The following CAPRIN2 variants were observed in gnomAD, a reference collection of about 807,000 sequenced individuals.
CAPRIN2 encodes caprin-2.
CAPRIN2 carries 66 observed loss-of-function variants against 130.4 expected under a neutral mutation model. The ratio of observed to expected loss-of-function variants is 0.51; its 90% confidence interval spans 0.42 to 0.62. CAPRIN2 has a LOEUF of 0.62. CAPRIN2 is among the 20% of genes least tolerant of loss of function. The pLI, the probability that CAPRIN2 is intolerant of heterozygous loss-of-function variation, is 0.00. For missense variants in CAPRIN2, 1,185 were observed against 1,246.6 expected (o/e 0.95, Z 0.74); for synonymous variants, 471 against 444.1 (o/e 1.06, Z -0.76).
chr12:30,734,901 T>G, intron 4 of CAPRIN2, 67 bp downstream of exon 5: 2 of 912,580 alleles, frequency 2.2e-6, no homozygotes, highest in Non-Finnish European at 3.6e-6. Context: ...CTCTCTCACA[T>G]ACACACACCC....
intron 5 of CAPRIN2, 113 bp from the exon 7 acceptor site, chr12:30,731,623 A>G (rs1944059908): frequency 1.2e-6 from 1 of 827,468 alleles, no homozygotes; most frequent in Non-Finnish European, 1.9e-6. Flanking sequence ...GTTTACATTG[A>G]TGTACATAGT....
Position 30,753,711 on chromosome 12 carries a change from TC to T in CAPRIN2, c.52del (p.Glu18LysfsTer4). 1 of 1,613,940 alleles carries T rather than the reference TC, an allele frequency of 6.2e-7. No individual in the cohort carries two copies. Among genetic ancestry groups the T allele is most frequent in the Non-Finnish European group, 8.5e-7 (1 of 1,179,934 alleles). The stretch of plus-strand genomic sequence containing the variant: ...TCTAGACCACTCCCTTAAACTCTTT[TC>T]CACAGAAGTGAGCTCGAAACCCAAT... On this transcript the variant is annotated frameshift_variant, in exon 1 of 17. Coordinates refer to ENST00000298892, the Ensembl canonical transcript of CAPRIN2. LOFTEE classifies it high-confidence loss of function.
chr12:30,711,911 G>A, intron 15 of CAPRIN2: 1 of 527,352 alleles, frequency 1.9e-6, no homozygotes, highest in Non-Finnish European at 3.6e-6. Context: ...AAGATACAAT[G>A]CTAGGTAATG....
chr12:30,747,399 C>T (rs141300525), intron 2 of CAPRIN2, among the ~76,000 whole-genome samples: 2 of 152,180 alleles, frequency 1.3e-5, no homozygotes, highest in Non-Finnish European at 2.9e-5. Flanking sequence ...TACATTTGGC[C>T]GGGCGTGATG....
intron 2 of CAPRIN2, among the ~76,000 whole-genome samples, chr12:30,746,683 G>C (rs1216482036): frequency 6.6e-6 from 1 of 152,166 alleles, no homozygotes; most frequent in South Asian, 2.1e-4. Flanking sequence ...TCTAGAACAA[G>C]ACCCTAACTC....
At chr12:30,752,064 A>T (rs918045932) in intron 1 of CAPRIN2, among the ~76,000 whole-genome samples, 10 of 151,054 alleles carry the variant, frequency 6.6e-5, no homozygotes, top group Admixed American at 6.6e-4. Flanking sequence ...GATTACAGGC[A>T]CCCCCCACCA....
chr12:30,741,040 A>C, exon 3 of CAPRIN2: 6 of 1,609,900 alleles, frequency 3.7e-6, no homozygotes, highest in Non-Finnish European at 5.1e-6. Flanking sequence ...AACCCAGAAA[A>C]GGTTTTTTGA....
At chr12:30,746,538 G>A (rs1433562184) in intron 2 of CAPRIN2, among the ~76,000 whole-genome samples, 2 of 152,226 alleles carry the variant, frequency 1.3e-5, no homozygotes, top group East Asian at 3.8e-4. Context: ...TCTGATGAGA[G>A]ATGGTGATAG....
At chr12:30,735,987 A>G (rs576848884) in intron 3 of CAPRIN2, among the ~76,000 whole-genome samples, 6 of 152,066 alleles carry the variant, frequency 3.9e-5, no homozygotes, top group Non-Finnish European at 8.8e-5. Flanking sequence ...CAAAAAATAC[A>G]AAAATTAGCT....
chr12:30,711,438 A>C, intron 16 of CAPRIN2, 128 bp downstream of exon 18: 1 of 733,852 alleles, frequency 1.4e-6, no homozygotes, highest in Non-Finnish European at 2.4e-6. Context: ...ACTACATTCA[A>C]GCAAATTGAA....
At chr12:30,715,254 T>A in intron 13 of CAPRIN2, 113 bp from the exon 16 acceptor site, 1 of 773,062 alleles carries the variant, frequency 1.3e-6, no homozygotes. Context: ...TAAAAATAAA[T>A]AGGAGATACA....
chr12:30,714,927 T>C, intron 14 of CAPRIN2, 32 bp downstream of exon 16: 4 of 1,559,716 alleles, frequency 2.6e-6, no homozygotes, highest in Non-Finnish European at 2.6e-6. Context: ...GACAAAATAA[T>C]TCAGTATAAT....
chr12:30,736,142 A>G (rs1044720512), intron 3 of CAPRIN2, among the ~76,000 whole-genome samples: 2 of 145,934 alleles, frequency 1.4e-5, no homozygotes, highest in South Asian at 4.3e-4. Flanking sequence ...TCCTGTCCCA[A>G]AAAAAAAAAA....
chr12:30,744,169 A>G (rs1440594031), intron 2 of CAPRIN2, among the ~76,000 whole-genome samples: 2 of 151,992 alleles, frequency 1.3e-5, no homozygotes, highest in Non-Finnish European at 2.9e-5. Context: ...TTACCTCTCA[A>G]ATCCAGCTAC....
In CAPRIN2 at chr12:30,733,459, T is replaced by C. The variant is rs149185352; in HGVS notation, c.892+170A>G. Among the ~76,000 whole-genome samples, 755 of 152,274 alleles carry C rather than the reference T, an allele frequency of 5.0e-3. 2 individuals are homozygous for C. The highest frequency in any genetic ancestry group is 7.2e-3 in the Non-Finnish European group (493 of 68,004). ...CACTTTAGTGACTAGGGTTATACAA[T>C]AGCTGCTTTTAACAGAACTAAACAA... is the stretch of plus-strand genomic sequence containing the variant. On this transcript the variant is annotated intron_variant, in intron 5 of 16. Coordinates refer to ENST00000298892, the Ensembl canonical transcript of CAPRIN2.
At chr12:30,753,716 A>G (rs1349769342) in exon 1 of CAPRIN2, 1 of 1,613,802 alleles carries the variant, frequency 6.2e-7, no homozygotes, top group Non-Finnish European at 8.5e-7. Context: ...TCTTTTCCAC[A>G]GAAGTGAGCT....
intron 15 of CAPRIN2, among the ~76,000 whole-genome samples, chr12:30,712,085 T>A (rs369719750): frequency 1.3e-5 from 2 of 151,926 alleles, no homozygotes; most frequent in East Asian, 3.9e-4. Flanking sequence ...TTTTAAGAAA[T>A]TGATAAAAAA....
intron 9 of CAPRIN2, among the ~76,000 whole-genome samples, chr12:30,725,614 T>C (rs2060675411): frequency 6.6e-6 from 1 of 152,236 alleles, no homozygotes; most frequent in African/African-American, 2.4e-5. Context: ...TCTCATTTTC[T>C]GTATCTGTAC....
intron 5 of CAPRIN2, among the ~76,000 whole-genome samples, chr12:30,731,790 T>A (rs2062781278): frequency 1.3e-5 from 2 of 152,064 alleles, no homozygotes; most frequent in Admixed American, 6.6e-5. Flanking sequence ...AGCAAGTCAC[T>A]TAAGTTTCTC....
Sources: gnomAD v4.1 joint callset for allele counts (sites outside exome capture counted in the v4.1 genomes callset) on GRCh38, gnomAD v4.1.1 for gene constraint, MANE v1.5 for transcripts, NCBI Gene and HGNC (gene_info 2026-07-23, HGNC 2026-07-21) for gene names.